The following INCENP variants were observed in gnomAD, a reference collection of about 807,000 sequenced individuals.
INCENP encodes binds and activates aurora-B and -C in vivo and in vitro.
Under a neutral mutation model 107.3 loss-of-function variants are expected in INCENP, and 43 were observed. The observed-to-expected ratio is 0.40, with a 90% CI of 0.31 to 0.52. The LOEUF (loss-of-function observed/expected upper bound fraction) is 0.52. Ranked by LOEUF, INCENP falls within the 20% of genes least tolerant of loss-of-function variation. The probability of loss-of-function intolerance (pLI) is 0.53; values close to 1 mark genes in which losing one functional copy is unlikely to be tolerated. For synonymous variants in INCENP, 488 were observed against 494.4 expected (o/e 0.99, Z 0.17); for missense variants, 1,089 against 1,250.9 (o/e 0.87, Z 1.95).
At chr11:62,141,751 G>C in intron 11 of INCENP, 1 of 603,934 alleles carries the variant, frequency 1.7e-6, no homozygotes, top group Non-Finnish European at 3.0e-6. Context: ...GAAGCAAGGG[G>C]GTGTGGCTTT....
At position 62,141,484 on chromosome 11, in the gene INCENP, C is replaced by T. The variant is rs768945896; in HGVS notation, c.1594-16C>T. On this transcript the variant is annotated splice_polypyrimidine_tract_variant and intron_variant, in intron 10 of 18. Transcript: ENST00000394818. ...CCTGGCATTAACTCTTGCCTTTTCC[C>T]TTGTCTCCTCCACAGTGCAGCTTCG... The T allele has an allele frequency of 5.0e-6, 8 of 1,613,906 alleles. No individual in the cohort carries two copies. In the Admixed American group the frequency reaches 6.7e-5, roughly 13 times the overall value.
rs1944342086 is a variant in INCENP at position 62,150,111 on chromosome 11, A to G, written c.2446A>G (p.Lys816Glu). ...TCCGCAAGGGCACAGGGCCCCTCCC[A>G]AGATCAACCCAGATAACTACGGGAT... ...MTPQGHRAPP[K>E]INPDNYGMDL... Residue 816 changes from lysine to glutamate, a missense_variant, in exon 18 of 19, where the codon AAG becomes GAG. Physicochemically the swap from Lys to Glu is moderately conservative, Grantham distance 56. Transcript: ENST00000394818. The G allele has an allele frequency of 1.9e-6, 3 of 1,614,068 alleles. No homozygotes were observed. In the East Asian group the frequency reaches 6.7e-5, roughly 36 times the overall value.
At chr11:62,150,948 T>C (rs1038533789) in intron 18 of INCENP, among the ~76,000 whole-genome samples, 4 of 152,134 alleles carry the variant, frequency 2.6e-5, no homozygotes, top group African/African-American at 9.7e-5. Context: ...CAGAAACTTG[T>C]TTTTGTGAGT....
rs796963880 is a variant in INCENP at position 62,140,085 on chromosome 11, G to A, written c.1292-149G>A. 17 of 668,526 alleles carry A rather than the reference G, an allele frequency of 2.5e-5. No homozygotes were observed. The African/African-American group carries it at 2.7e-4, about 11-fold the overall frequency. 41.4% of individuals were successfully genotyped at this position (668,526 alleles called of 1,614,324 possible). ...GGCTAGTCAGGGTTAAGGCTGATAT[G>A]TCTGCGTTTGGCCACCCCGGAGCTG... On this transcript the variant is annotated intron_variant, in intron 7 of 18. Transcript: ENST00000394818.
At chr11:62,129,010 C>T (rs1365930816) in intron 3 of INCENP, 127 bp downstream of exon 3, 5 of 676,942 alleles carry the variant, frequency 7.4e-6, no homozygotes, top group Non-Finnish European at 5.3e-6. Flanking sequence ...TGGGTACCAC[C>T]GCGGGTACTG....
At chr11:62,131,569 G>A (rs61893677) in intron 4 of INCENP, among the ~76,000 whole-genome samples, 6,606 of 152,254 alleles carry the variant, frequency 0.043, 156 homozygotes, top group Non-Finnish European at 0.05. Context: ...GGAACAGCTT[G>A]TACGAAGACC....
At chr11:62,144,335 CAAAA>C (rs3972386) in intron 11 of INCENP, among the ~76,000 whole-genome samples, 2 of 133,862 alleles carry the variant, frequency 1.5e-5, no homozygotes. Context: ...TGTCTCCACA[CAAAA>C]AAAAAAAAAG....
At chr11:62,140,385 C>A in intron 8 of INCENP, 100 bp downstream of exon 8, 1 of 1,056,264 alleles carries the variant, frequency 9.5e-7, no homozygotes. Context: ...TCAGGGGCTT[C>A]AGAGCCTCTC....
chr11:62,128,358 G>A, intron 2 of INCENP, 57 bp downstream of exon 2: 1 of 1,604,074 alleles, frequency 6.2e-7, no homozygotes, highest in Non-Finnish European at 8.5e-7. Context: ...GGCTGCTTTG[G>A]TCTTGGGGAC....
At chr11:62,132,709 G>A (rs1565093125) in intron 4 of INCENP, among the ~76,000 whole-genome samples, 1 of 152,128 alleles carries the variant, frequency 6.6e-6, no homozygotes, top group African/African-American at 2.4e-5. Flanking sequence ...TTCCCTCTCT[G>A]TCTACCCTTT....
chr11:62,147,995 G>A (rs1944290775), intron 15 of INCENP, among the ~76,000 whole-genome samples: 1 of 152,156 alleles, frequency 6.6e-6, no homozygotes, highest in Non-Finnish European at 1.5e-5. Flanking sequence ...CTTCACACAG[G>A]GGGAAACAGG....
At position 62,130,463 on chromosome 11, in the gene INCENP, C is replaced by G. The variant is rs1313158828; in HGVS notation, c.936C>G (p.Ser312=). The G allele has an allele frequency of 1.2e-6, 2 of 1,614,118 alleles. No homozygotes were observed. Among genetic ancestry groups the G allele is most frequent in the Non-Finnish European group, 1.7e-6 (2 of 1,180,052 alleles). Residue 312 remains serine, a synonymous_variant, in exon 4 of 19, where the codon TCC becomes TCG. Coordinates refer to ENST00000394818, the MANE Select transcript of INCENP (RefSeq NM_001040694.2). ...GGCACAGCCCGATCGCCCCGTCTTC[C>G]CCGAGTCCCCAAGTCTTAGCCCAGA... ...SVRHSPIAPS[S]PSPQVLAQKY...
At chr11:62,139,441 T>A (rs1944063846) in intron 7 of INCENP, among the ~76,000 whole-genome samples, 1 of 152,168 alleles carries the variant, frequency 6.6e-6, no homozygotes, top group Admixed American at 6.5e-5. Flanking sequence ...AGCAGTGGGT[T>A]TGGGAGTGTC....
rs1172254066 is a variant in INCENP, at chr11:62,130,004, C to T, written c.477C>T (p.Asn159=). The part of the protein sequence containing the change: ...PTMLTKKPED[N]HTQCQLVPVV... Reference sequence around the variant, plus strand: ...TGCTGACTAAGAAGCCCGAGGATAACCACACCCAGTGCCAGCTGGTGCCTG... The same window carrying T: ...TGCTGACTAAGAAGCCCGAGGATAATCACACCCAGTGCCAGCTGGTGCCTG... The change falls in exon 4 of 19, where the codon AAC becomes AAT. Residue 159 remains asparagine, a synonymous_variant. Transcript: ENST00000394818. 6.2e-7 allele frequency: 1 copy of T among 1,614,122 alleles called. No homozygotes were observed. Among genetic ancestry groups the T allele is most frequent in the South Asian group, 1.1e-5 (1 of 91,088 alleles).
In INCENP at chr11:62,129,891, C is replaced by T. The variant is rs755587112; in HGVS notation, c.364C>T (p.Arg122Trp). 20 of 1,613,550 alleles carry T rather than the reference C, an allele frequency of 1.2e-5. No homozygotes were observed. The highest frequency in any genetic ancestry group is 7.7e-5 in the South Asian group (7 of 91,084). ...TVVGENGSVL[R>W]RVTRAAAAAA... ...GGTCGGGGAGAACGGCTCCGTCCTG[C>T]GGCGTGTGACCCGTGCTGCGGCTGC... Residue 122 changes from arginine to tryptophan, a missense_variant, in exon 4 of 19, where the codon CGG becomes TGG. Physicochemically the swap from Arg to Trp is moderately radical, Grantham distance 101. Coordinates refer to ENST00000394818, the MANE Select transcript of INCENP (RefSeq NM_001040694.2).
chr11:62,133,041 C>G (rs1040387179), intron 4 of INCENP, among the ~76,000 whole-genome samples: 1 of 151,986 alleles, frequency 6.6e-6, no homozygotes, highest in African/African-American at 2.4e-5. Flanking sequence ...GCGACAAGGC[C>G]GACCCCTAGT....
At chr11:62,145,599 C>T (rs1410655568) in intron 13 of INCENP, 30 bp from the exon 14 acceptor site, 1 of 1,582,052 alleles carries the variant, frequency 6.3e-7, no homozygotes, top group East Asian at 2.3e-5. Flanking sequence ...TGTGGGTGCT[C>T]CAATGGGCAT....
intron 11 of INCENP, among the ~76,000 whole-genome samples, chr11:62,144,587 T>G (rs2134665766): frequency 6.6e-6 from 1 of 152,326 alleles, no homozygotes; most frequent in East Asian, 1.9e-4. Flanking sequence ...ACTAGAACAT[T>G]CACCATGATT....
At chr11:62,140,535 C>T (rs933493157) in intron 8 of INCENP, among the ~76,000 whole-genome samples, 169 bp from the exon 9 acceptor site, 3 of 152,222 alleles carry the variant, frequency 2.0e-5, no homozygotes, top group African/African-American at 7.2e-5. Context: ...TTGGACTGTT[C>T]ACCTCCCTTC....
Sources: allele counts gnomAD v4.1 joint callset (sites outside exome capture counted in the v4.1 genomes callset), GRCh38; gene constraint gnomAD v4.1.1; transcripts MANE v1.5; gene names NCBI Gene and HGNC (gene_info 2026-07-23, HGNC 2026-07-21).